CCDC38: variants seen among roughly 807,000 people sequenced by gnomAD.
CCDC38 encodes coiled-coil domain containing 38.
Under a neutral mutation model 72.8 loss-of-function variants are expected in CCDC38, and 69 were observed. The ratio of observed to expected loss-of-function variants is 0.95; its 90% confidence interval spans 0.78 to 1.16. The LOEUF (loss-of-function observed/expected upper bound fraction) is 1.16, where lower values mean the gene tolerates loss of function less well. Among genes scored for constraint, CCDC38 ranks in the 50% most tolerant of loss-of-function variants. The pLI is 0.00. For missense variants in CCDC38, 626 were observed against 638.9 expected (o/e 0.98, Z 0.22); for synonymous variants, 201 against 213.2 (o/e 0.94, Z 0.50).
chr12:95,928,050 G>T (rs957692645), intron 2 of CCDC38, among the ~76,000 whole-genome samples: 1 of 147,970 alleles, frequency 6.8e-6, no homozygotes, highest in Non-Finnish European at 1.5e-5. Flanking sequence ...TATCTTTGTG[G>T]CGTTCTCTGT....
At chr12:95,874,068 T>TA (rs2079610058) in intron 13 of CCDC38, among the ~76,000 whole-genome samples, 1 of 152,172 alleles carries the variant, frequency 6.6e-6, no homozygotes, top group Non-Finnish European at 1.5e-5. Flanking sequence ...AAATAACACT[T>TA]ACTGTGTTTC....
intron 4 of CCDC38, among the ~76,000 whole-genome samples, chr12:95,916,151 A>C (rs939532926): frequency 1.3e-5 from 2 of 152,338 alleles, no homozygotes; most frequent in East Asian, 3.9e-4. Flanking sequence ...CTTGTGGTAC[A>C]GTCCCTGGCA....
chr12:95,898,282 A>G, intron 7 of CCDC38, 103 bp downstream of exon 7: 1 of 1,129,710 alleles, frequency 8.9e-7, no homozygotes, highest in Non-Finnish European at 1.3e-6. Flanking sequence ...TTATGACATC[A>G]TCAACTGATA....
intron 5 of CCDC38, among the ~76,000 whole-genome samples, chr12:95,903,995 A>G (rs74994377): frequency 0.086 from 13,036 of 151,802 alleles, 766 homozygotes; most frequent in Non-Finnish European, 0.12. Context: ...TGGCAGAATT[A>G]ACCAATAAAT....
At chr12:95,894,684 C>T (rs1401800182) in intron 8 of CCDC38, among the ~76,000 whole-genome samples, 1 of 152,172 alleles carries the variant, frequency 6.6e-6, no homozygotes, top group East Asian at 1.9e-4. Context: ...CTGAAGCCCC[C>T]ACCAGAAATA....
intron 10 of CCDC38, among the ~76,000 whole-genome samples, chr12:95,884,312 C>T (rs1227342309): frequency 2.0e-5 from 3 of 152,156 alleles, no homozygotes; most frequent in South Asian, 4.1e-4. Context: ...ATACAAAGTA[C>T]AATACCATTT....
At chr12:95,897,445 C>A (rs2079901710) in intron 7 of CCDC38, among the ~76,000 whole-genome samples, 1 of 151,556 alleles carries the variant, frequency 6.6e-6, no homozygotes, top group South Asian at 2.1e-4. Context: ...CCCATTTCTA[C>A]CAAAAATACA....
chr12:95,870,100 CAGAT>C (rs1338414219), intron 14 of CCDC38, among the ~76,000 whole-genome samples: 1 of 152,146 alleles, frequency 6.6e-6, no homozygotes, highest in Non-Finnish European at 1.5e-5. Flanking sequence ...CAGCACTTTA[CAGAT>C]AGTTTGTATA....
At chr12:95,922,206 C>G (rs2080217009) in intron 2 of CCDC38, among the ~76,000 whole-genome samples, 1 of 152,198 alleles carries the variant, frequency 6.6e-6, no homozygotes, top group African/African-American at 2.4e-5. Flanking sequence ...GGGTTCAACA[C>G]AGAGTACTCT....
At chr12:95,943,127 C>T (rs2080471578), upstream of CCDC38, among the ~76,000 whole-genome samples, 1 of 152,284 alleles carries the variant, frequency 6.6e-6, no homozygotes, top group African/African-American at 2.4e-5. Flanking sequence ...AGTAGGGACA[C>T]TAGTCTCCAT....
At chr12:95,907,191 A>G (rs535206548) in intron 4 of CCDC38, among the ~76,000 whole-genome samples, 1,952 of 144,558 alleles carry the variant, frequency 0.014, 147 homozygotes, top group Admixed American at 0.12. Flanking sequence ...TTCTTAGTAC[A>G]GAACAAAATG....
chr12:95,869,878 C>T, intron 14 of CCDC38: 1 of 264,080 alleles, frequency 3.8e-6, no homozygotes, highest in Non-Finnish European at 7.1e-6. Flanking sequence ...GGCTGGAGTG[C>T]AGTGGCATGA....
intron 10 of CCDC38, among the ~76,000 whole-genome samples, chr12:95,882,409 A>G (rs2079711032): frequency 6.6e-6 from 1 of 152,178 alleles, no homozygotes; most frequent in Non-Finnish European, 1.5e-5. Context: ...AAATGGAGGT[A>G]GCACTCACAG....
intron 2 of CCDC38, among the ~76,000 whole-genome samples, chr12:95,920,139 G>T (rs61476720): frequency 2.6e-5 from 4 of 152,090 alleles, no homozygotes; most frequent in Admixed American, 6.5e-5. Context: ...TTGAATTGTA[G>T]CTCCTATAAT....
chr12:95,938,341 C>T (rs2080415328), intron 1 of CCDC38, among the ~76,000 whole-genome samples: 1 of 152,152 alleles, frequency 6.6e-6, no homozygotes, highest in Admixed American at 6.5e-5. Flanking sequence ...ACACTCTGTA[C>T]TCATCTCCAC....
intron 4 of CCDC38, among the ~76,000 whole-genome samples, chr12:95,914,203 TAGTCCC>T (rs2080122240): frequency 1.3e-5 from 2 of 152,274 alleles, no homozygotes; most frequent in South Asian, 4.2e-4. Context: ...CATGTGCTTG[TAGTCCC>T]AGCTACTCGG....
At chr12:95,886,214 G>A (rs1416201349) in intron 10 of CCDC38, among the ~76,000 whole-genome samples, 1 of 152,138 alleles carries the variant, frequency 6.6e-6, no homozygotes, top group African/African-American at 2.4e-5. Context: ...GCAATTCAAT[G>A]AAAGAAGCCA....
At chr12:95,894,866 G>A (rs2079868561) in intron 8 of CCDC38, 123 bp downstream of exon 8, 2 of 786,994 alleles carry the variant, frequency 2.5e-6, no homozygotes, top group Non-Finnish European at 4.0e-6. Flanking sequence ...CAATAACAGA[G>A]ATAGTGAAAA....
At position 95,913,443 on chromosome 12, in the gene CCDC38, ACCTGTTTCTCT is replaced by A. The variant is rs758183477; in HGVS notation, c.304+3675_304+3685del. 1.1e-3 allele frequency among the ~76,000 whole-genome samples: 172 copies of A among 152,216 alleles called. 1 individual carries two copies. Among genetic ancestry groups the A allele is most frequent in the African/African-American group, 3.4e-3 (140 of 41,540 alleles). ...CCAGGAAGAAGCTTCGAGAACCACT[ACCTGTTTCTCT>A]CCTTTCTCCCTTTGCTATAACTCCA... On this transcript the variant is annotated intron_variant, in intron 4 of 15. Coordinates refer to ENST00000344280, the MANE Select transcript of CCDC38 (RefSeq NM_182496.3).
Sources: gnomAD v4.1 joint callset for allele counts (sites outside exome capture counted in the v4.1 genomes callset) on GRCh38, gnomAD v4.1.1 for gene constraint, MANE v1.5 for transcripts, NCBI Gene and HGNC (gene_info 2026-07-23, HGNC 2026-07-21) for gene names.